The following IGF2BP2 variants were observed in gnomAD, a reference collection of about 807,000 sequenced individuals.
The protein encoded by IGF2BP2 is insulin-like growth factor 2 mRNA-binding protein 2.
IGF2BP2 carries 17 observed loss-of-function variants against 75.8 expected under a neutral mutation model. The ratio of observed to expected loss-of-function variants is 0.22; its 90% CI spans 0.15 to 0.34. IGF2BP2 has a LOEUF of 0.34. Among genes scored for constraint, IGF2BP2 ranks in the 10% least tolerant of loss-of-function variants. The probability of loss-of-function intolerance (pLI) is 1.00; values close to 1 mark genes in which losing one functional copy is unlikely to be tolerated. For missense variants in IGF2BP2, 516 were observed against 772.4 expected (o/e 0.67, Z 3.93); for synonymous variants, 288 against 295.6 (o/e 0.97, Z 0.26).
intron 2 of IGF2BP2, among the ~76,000 whole-genome samples, chr3:185,743,250 A>T (rs1289463667): frequency 6.6e-6 from 1 of 152,136 alleles, no homozygotes; most frequent in Non-Finnish European, 1.5e-5. Context: ...GATGGAAGAA[A>T]GGAAAACTTT....
chr3:185,794,404 A>G (rs1737061817), intron 2 of IGF2BP2, among the ~76,000 whole-genome samples: 1 of 76,576 alleles, frequency 1.3e-5, no homozygotes, highest in African/African-American at 6.9e-5. Context: ...AACAGACAGG[A>G]AGGTTGAGTA....
intron 10 of IGF2BP2, among the ~76,000 whole-genome samples, chr3:185,662,700 G>A (rs889095808): frequency 2.6e-5 from 4 of 151,626 alleles, no homozygotes; most frequent in Non-Finnish European, 4.4e-5. Flanking sequence ...CCACCACCAC[G>A]CATAGCTAAT....
At chr3:185,680,391 G>A (rs901177155) in intron 7 of IGF2BP2, among the ~76,000 whole-genome samples, 4 of 152,066 alleles carry the variant, frequency 2.6e-5, no homozygotes, top group Non-Finnish European at 5.9e-5. Context: ...AAGAATTATC[G>A]CCAATCCTCC....
At chr3:185,746,500 T>C (rs1431243831) in intron 2 of IGF2BP2, among the ~76,000 whole-genome samples, 1 of 152,238 alleles carries the variant, frequency 6.6e-6, no homozygotes, top group Admixed American at 6.5e-5. Flanking sequence ...GCCACCATCC[T>C]AATTCAGAAG....
chr3:185,687,265 C>T (rs1424973063), intron 6 of IGF2BP2, 74 bp from the exon 7 acceptor site: 8 of 1,460,534 alleles, frequency 5.5e-6, no homozygotes, highest in Admixed American at 4.6e-5. Flanking sequence ...AAGCGTCACA[C>T]CAACCCATGT....
chr3:185,767,918 T>C (rs1733314040), intron 2 of IGF2BP2: 1 of 153,292 alleles, frequency 6.5e-6, no homozygotes, highest in African/African-American at 2.4e-5. Flanking sequence ...CCAACCTAAA[T>C]AGCAAGTGTC....
chr3:185,647,245 G>T lies in IGF2BP2; in HGVS notation c.1594-107C>A. The T allele has an allele frequency of 1.3e-6, 1 of 792,954 alleles. No individual in the cohort carries two copies. The highest frequency in any genetic ancestry group is 2.2e-6 in the Non-Finnish European group (1 of 448,536). 49.1% of individuals were successfully genotyped at this position (792,954 alleles called of 1,614,324 possible). ...GAGGTGGAGCAGGGGAAGGAGGGGG[G>T]CTGGACTCTGCTCTCCTTTCCTTTT... On this transcript the variant is annotated intron_variant, in intron 14 of 15. Transcript: ENST00000382199. This position sits in a 1 kb window ranked among gnomAD's most constrained non-coding sequence, Gnocchi z 4.9.
intron 2 of IGF2BP2, among the ~76,000 whole-genome samples, chr3:185,788,308 C>T (rs544841856): frequency 1.8e-4 from 28 of 152,194 alleles, no homozygotes; most frequent in Non-Finnish European, 3.5e-4. Flanking sequence ...TCGCTTGAGC[C>T]TAGGAGTTCA....
At chr3:185,715,707 G>A (rs1013978389) in intron 2 of IGF2BP2, among the ~76,000 whole-genome samples, 1 of 151,762 alleles carries the variant, frequency 6.6e-6, no homozygotes, top group African/African-American at 2.4e-5. Context: ...GCAATGGCAT[G>A]GTCTCGGCTC....
chr3:185,783,837 C>T (rs956952357), intron 2 of IGF2BP2, among the ~76,000 whole-genome samples: 6 of 152,070 alleles, frequency 3.9e-5, no homozygotes, highest in African/African-American at 9.7e-5. Context: ...GATATTTTTA[C>T]GTTAAAGCAA....
intron 2 of IGF2BP2, among the ~76,000 whole-genome samples, chr3:185,724,219 T>G (rs574202812): frequency 7.4e-4 from 112 of 152,250 alleles, no homozygotes; most frequent in African/African-American, 2.6e-3. Context: ...CTGAGATCAT[T>G]CCCTGGGCTC....
chr3:185,808,451 G>A (rs1739354234), intron 2 of IGF2BP2, among the ~76,000 whole-genome samples: 1 of 152,140 alleles, frequency 6.6e-6, no homozygotes, highest in African/African-American at 2.4e-5. Flanking sequence ...TTGCACTCCA[G>A]CCTGGGCAAC....
chr3:185,741,117 C>T (rs1279639273), intron 2 of IGF2BP2, among the ~76,000 whole-genome samples: 1 of 152,164 alleles, frequency 6.6e-6, no homozygotes, highest in African/African-American at 2.4e-5. Flanking sequence ...TCGTGATCCA[C>T]CAGCCTCGGC....
intron 2 of IGF2BP2, among the ~76,000 whole-genome samples, chr3:185,745,321 C>T (rs1389992924): frequency 1.3e-5 from 2 of 152,226 alleles, no homozygotes; most frequent in East Asian, 1.9e-4. Flanking sequence ...CAGTGCTGTC[C>T]GTGTGAGGTA....
intron 10 of IGF2BP2, among the ~76,000 whole-genome samples, chr3:185,664,173 T>C (rs1716918788): frequency 6.6e-6 from 1 of 152,180 alleles, no homozygotes; most frequent in Non-Finnish European, 1.5e-5. Flanking sequence ...GGGACAACCT[T>C]AGAAGCTGGA....
intron 2 of IGF2BP2, among the ~76,000 whole-genome samples, chr3:185,701,145 G>A (rs1481880676): frequency 1.3e-5 from 2 of 151,650 alleles, no homozygotes; most frequent in South Asian, 4.2e-4. Flanking sequence ...TTGCCTGCTG[G>A]TCTTGAACTC....
At position 185,649,476 on chromosome 3, in the gene IGF2BP2, T is replaced by A. The variant is rs546664849; in HGVS notation, c.1520A>T (p.Glu507Val). 6.2e-7 allele frequency: 1 copy of A among 1,614,074 alleles called. No individual in the cohort carries two copies. The highest frequency in any genetic ancestry group is 1.7e-5 in the Admixed American group (1 of 60,010). The change falls in exon 14 of 16, where the codon GAA becomes GTA. Residue 507 changes from glutamate (E) to valine (V), a missense_variant. By Grantham distance (121) the Glu-to-Val change is moderately radical. This residue lies in a region of IGF2BP2 where 129 missense variants were observed against 230.5 expected (regional missense o/e 0.56). Coordinates refer to ENST00000382199, the MANE Select transcript of IGF2BP2 (RefSeq NM_006548.6). The stretch of plus-strand genomic sequence containing the variant: ...TCTGATATGCGCTTCCAGCTTCACT[T>A]CTTCTTTGGGGTTAAAGAAGTTTTC... The part of the protein sequence containing the change: ...KEENFFNPKE[E>V]VKLEAHIRVP...
chr3:185,727,912 A>G (rs2149497299), intron 2 of IGF2BP2, among the ~76,000 whole-genome samples: 1 of 152,286 alleles, frequency 6.6e-6, no homozygotes, highest in South Asian at 2.1e-4. Context: ...CAGCCCTGAC[A>G]TGCCTCATTC....
intron 9 of IGF2BP2, 119 bp downstream of exon 9, chr3:185,675,177 T>C: frequency 2.1e-6 from 2 of 970,304 alleles, no homozygotes; most frequent in Non-Finnish European, 1.5e-6. Flanking sequence ...TTAATGCTTT[T>C]ATCCTAGGAA....
Sources: allele counts gnomAD v4.1 joint callset (sites outside exome capture counted in the v4.1 genomes callset), GRCh38; gene constraint gnomAD v4.1.1; regional missense constraint gnomAD v4.1.1; non-coding constraint Gnocchi (gnomAD v3.1); transcripts MANE v1.5; gene names NCBI Gene and HGNC (gene_info 2026-07-23, HGNC 2026-07-21).